Variants in SON observed in about 807,000 individuals in gnomAD.
SON encodes the protein SON DNA and RNA binding protein.
SON carries 4 observed loss-of-function variants against 173.3 expected under a neutral mutation model. That is an observed-to-expected ratio of 0.02 (90% confidence interval 0.01 to 0.05). The LOEUF (loss-of-function observed/expected upper bound fraction) is 0.05. Among genes scored for constraint, SON ranks in the 10% least tolerant of loss-of-function variants. SON has a pLI of 1.00. For missense variants in SON, 2,626 were observed against 3,055.3 expected (o/e 0.86, Z 3.31); for synonymous variants, 1,190 against 1,105.9 (o/e 1.08, Z -1.51).
chr21:33,555,162 C>CAGCCGCACCCCCAGCCGCCGG lies in SON; in HGVS notation c.5943_5963dup (p.Ser1992_Arg1998dup), dbSNP rs766784590. 4.4e-4 allele frequency: 627 copies of CAGCCGCACCCCCAGCCGCCGG among 1,431,828 alleles called. 5 individuals are homozygous for CAGCCGCACCCCCAGCCGCCGG. The African/African-American group carries it at 0.012, about 28-fold the overall frequency. 88.7% of individuals were successfully genotyped at this position (1,431,828 alleles called of 1,614,324 possible). A position where few individuals can be genotyped will look rare whatever the true frequency, so the allele number is the denominator to read the frequency against. On this transcript the variant is annotated inframe_insertion, in exon 3 of 12. Coordinates refer to ENST00000356577, the MANE Select transcript of SON (RefSeq NM_138927.4). ...GCCGCAGCCGCACCCCCAGCCGCCGCAGCCGCACCCCCAGCCGCCGGAGCC... is the reference window on the plus strand; with the variant it reads ...GCCGCAGCCGCACCCCCAGCCGCCGCAGCCGCACCCCCAGCCGCCGGAGCCGCACCCCCAGCCGCCGGAGCC...
At position 33,549,847 on chromosome 21, in the gene SON, A is replaced by G. The variant is rs371116880; in HGVS notation, c.616A>G (p.Lys206Glu). 8 of 1,614,260 alleles carry G rather than the reference A, an allele frequency of 5.0e-6. No individual in the cohort carries two copies. The highest frequency in any genetic ancestry group is 5.9e-6 in the Non-Finnish European group (7 of 1,180,054). ...VSEPHILETL[K>E]PATKTAELSV... is the part of the protein sequence containing the mutation. Reference sequence around the variant, plus strand: ...AGAGCCACACATCTTAGAAACTCTGAAGCCAGCTACAAAAACTGCAGAACT... The same window carrying G: ...AGAGCCACACATCTTAGAAACTCTGGAGCCAGCTACAAAAACTGCAGAACT... The change falls in exon 3 of 12, where the codon AAG becomes GAG. Residue 206 changes from lysine (K) to glutamate (E), a missense_variant. By Grantham distance (56) the Lys-to-Glu change is moderately conservative. Transcript: ENST00000356577.
intron 6 of SON, chr21:33,560,544 A>G (rs966009654): frequency 1.0e-6 from 1 of 989,414 alleles, no homozygotes; most frequent in Non-Finnish European, 1.2e-6. Flanking sequence ...TGCTAAATAT[A>G]GTGCACATGA....
At chr21:33,557,456 C>CA in intron 4 of SON, 140 bp downstream of exon 4, 2 of 1,542,464 alleles carry the variant, frequency 1.3e-6, no homozygotes, top group South Asian at 2.4e-5. Flanking sequence ...ACAGATGTGG[C>CA]AGCGGCAGAA....
At chr21:33,545,682 G>A (rs1298739780) in intron 1 of SON, among the ~76,000 whole-genome samples, 1 of 152,142 alleles carries the variant, frequency 6.6e-6, no homozygotes, top group Non-Finnish European at 1.5e-5. Context: ...TCCTTTTTAA[G>A]TTCAGTGGCA....
chr21:33,545,148 T>C (rs1329643713), intron 1 of SON, among the ~76,000 whole-genome samples: 3 of 152,220 alleles, frequency 2.0e-5, no homozygotes, highest in African/African-American at 7.2e-5. Flanking sequence ...CACCTCTTAG[T>C]AGCTGTGTGA....
At chr21:33,546,637 C>G (rs556299282) in intron 2 of SON, 2 of 238,012 alleles carry the variant, frequency 8.4e-6, no homozygotes, top group Non-Finnish European at 1.6e-5. Flanking sequence ...AAAAATTAGC[C>G]GGGTGTGGTG....
intron 7 of SON, 53 bp from the exon 8 acceptor site, chr21:33,568,918 T>G: frequency 1.0e-6 from 1 of 979,308 alleles, no homozygotes; most frequent in African/African-American, 1.6e-5. Flanking sequence ...TTACCAGTGA[T>G]GTTTTAATCA....
chr21:33,549,363 G>A lies in SON; in HGVS notation c.245-113G>A, dbSNP rs1038538751. ...GCTAAGATTACAGGCGTGAGCCACT[G>A]TACTTGGCCTGTACTAAGGTGTTTT... On this transcript the variant is annotated intron_variant, in intron 2 of 11. Transcript: ENST00000356577. The A allele has an allele frequency of 8.1e-6, 7 of 866,106 alleles. No individual in the cohort carries two copies. The African/African-American group carries it at 1.2e-4, about 15-fold the overall frequency. The allele number at this position is 866,106 out of a possible 1,614,324, so 53.7% of individuals were successfully genotyped here. A position where few individuals can be genotyped will look rare whatever the true frequency, so the allele number is the denominator to read the frequency against.
Position 33,559,517 on chromosome 21 carries a change from G to T in SON, c.6469-70G>T. Reference sequence around the variant, plus strand: ...GATAATATCATTTCCTTCAGATTATGTAGAAAATCTCAAACCATTTAATGT... The same window carrying T: ...GATAATATCATTTCCTTCAGATTATTTAGAAAATCTCAAACCATTTAATGT... On this transcript the variant is annotated intron_variant, in intron 5 of 11. Transcript: ENST00000356577. This position sits in a 1 kb window ranked among gnomAD's most constrained non-coding sequence, Gnocchi z 4.1. 6.7e-7 allele frequency: 1 copy of T among 1,486,942 alleles called. No homozygotes were observed. Among genetic ancestry groups the T allele is most frequent in the Non-Finnish European group, 9.1e-7 (1 of 1,097,658 alleles). The allele number at this position is 1,486,942 out of a possible 1,614,324, so 92.1% of individuals were successfully genotyped here.
intron 6 of SON, among the ~76,000 whole-genome samples, chr21:33,566,496 T>A (rs2086174558): frequency 6.7e-6 from 1 of 150,022 alleles, no homozygotes; most frequent in Non-Finnish European, 1.5e-5. Context: ...CAGTTGATGT[T>A]ATGGACTTCC....
chr21:33,560,184 C>T (rs1185273613), intron 6 of SON: 25 of 1,567,598 alleles, frequency 1.6e-5, no homozygotes, highest in Non-Finnish European at 2.1e-5. Flanking sequence ...TCAGGTTCAA[C>T]ACAAGAACTG....
At chr21:33,548,097 A>G (rs1364460996) in intron 2 of SON, among the ~76,000 whole-genome samples, 1 of 150,202 alleles carries the variant, frequency 6.7e-6, no homozygotes, top group African/African-American at 2.4e-5. Context: ...CTAATTTGAT[A>G]TTGGCATTAG....
intron 6 of SON, among the ~76,000 whole-genome samples, chr21:33,565,669 A>G (rs1424237115): frequency 3.3e-5 from 5 of 152,216 alleles, no homozygotes; most frequent in Non-Finnish European, 5.9e-5. Context: ...GTGATGATTT[A>G]CTTAAATCAA....
At chr21:33,572,991 A>AG in intron 8 of SON, 1 of 239,194 alleles carries the variant, frequency 4.2e-6, no homozygotes, top group Non-Finnish European at 8.2e-6. Flanking sequence ...CAAGCTAAGA[A>AG]GAGATACCAG....
At position 33,557,655 on chromosome 21, in the gene SON, G is replaced by A. The variant is rs773177040; in HGVS notation, c.6321+339G>A. On this transcript the variant is annotated intron_variant, in intron 4 of 11. Coordinates refer to ENST00000356577, the MANE Select transcript of SON (RefSeq NM_138927.4). ...ACAGTTTCGTTTCCATTCACGACGCGTTCACTGATCGCCACGAGTATACTG... is the reference window on the plus strand; with the variant it reads ...ACAGTTTCGTTTCCATTCACGACGCATTCACTGATCGCCACGAGTATACTG... 1.0e-3 allele frequency: 1,570 copies of A among 1,529,852 alleles called. 1 individual carries two copies. Among genetic ancestry groups the A allele is most frequent in the Admixed American group, 2.0e-3 (97 of 49,116 alleles). The allele number at this position is 1,529,852 out of a possible 1,614,324, so 94.8% of individuals were successfully genotyped here.
rs774651548 is a variant in SON, at chr21:33,551,670, C to G, written c.2439C>G (p.Ser813=). 3.1e-6 allele frequency: 5 copies of G among 1,612,212 alleles called. No homozygotes were observed. In the Admixed American group the frequency reaches 8.3e-5, roughly 27 times the overall value. ...TGTTAGCAACCAGCTCCATGGACTC[C>G]CAGATGTTAGCAACCAGCTCCATGG... ...SQMLATSSMD[S]QMLATSSMDS... Residue 813 remains serine, a synonymous_variant, in exon 3 of 12, where the codon TCC becomes TCG. Coordinates refer to ENST00000356577, the MANE Select transcript of SON (RefSeq NM_138927.4).
Position 33,550,540 on chromosome 21 carries a change from G to A in SON, c.1309G>A (p.Glu437Lys). 6.2e-7 allele frequency: 1 copy of A among 1,613,964 alleles called. No individual in the cohort carries two copies. The highest frequency in any genetic ancestry group is 8.5e-7 in the Non-Finnish European group (1 of 1,179,986). Reference sequence around the variant, plus strand: ...AGGGCCCCCTGCGACAGCAGTGCCTGAGTTGCCAGGGCCCTCTGTGACACC... The same window carrying A: ...AGGGCCCCCTGCGACAGCAGTGCCTAAGTTGCCAGGGCCCTCTGTGACACC... ...LPGPPATAVP[E>K]LPGPSVTPVP... The change falls in exon 3 of 12, where the codon GAG (glutamate) becomes AAG (lysine). Residue 437 changes from glutamate (E) to lysine (K), a missense_variant. This residue lies in a region of SON where 757 missense variants were observed against 730.1 expected (regional missense o/e 1.04). Transcript: ENST00000356577.
Position 33,554,614 on chromosome 21 carries a change from A to C in SON, c.5383A>C (p.Lys1795Gln), listed in dbSNP as rs756601187. ...EEKDDYEIFV[K>Q]VKDTHEKSKK... ...AAAAGATGATTATGAAATTTTTGTA[A>C]AAGTTAAGGACACTCACGAAAAAAG... The change falls in exon 3 of 12, where the codon AAA becomes CAA. Residue 1795 changes from lysine (K) to glutamine (Q), a missense_variant. Lys to Gln is a moderately conservative substitution (Grantham distance 53). This residue lies in a region of SON where 1,006 missense variants were observed against 895.6 expected (regional missense o/e 1.12). Coordinates refer to ENST00000356577, the MANE Select transcript of SON (RefSeq NM_138927.4). The C allele has an allele frequency of 8.1e-6, 13 of 1,613,924 alleles. No homozygotes were observed. The highest frequency in any genetic ancestry group is 1.3e-5 in the African/African-American group (1 of 74,998).
At chr21:33,570,750 G>A (rs1011598597) in intron 8 of SON, among the ~76,000 whole-genome samples, 1 of 152,118 alleles carries the variant, frequency 6.6e-6, no homozygotes, top group East Asian at 1.9e-4. Context: ...ATTTCAGGAA[G>A]TTAGAAATAA....
Sources: gnomAD v4.1 joint callset for allele counts (sites outside exome capture counted in the v4.1 genomes callset) on GRCh38, gnomAD v4.1.1 for gene constraint, gnomAD v4.1.1 regional missense constraint, Gnocchi (gnomAD v3.1) non-coding constraint, MANE v1.5 for transcripts, NCBI Gene and HGNC (gene_info 2026-07-23, HGNC 2026-07-21) for gene names.